The following RANBP2 variants were observed in gnomAD, a reference collection of about 807,000 sequenced individuals.
The protein encoded by RANBP2 is RAN binding protein 2.
Under a neutral mutation model 303.6 loss-of-function variants are expected in RANBP2, and 57 were observed. The observed-to-expected ratio is 0.19, with a 90% confidence interval of 0.15 to 0.23. RANBP2 has a LOEUF of 0.23. RANBP2 is among the 10% of genes least tolerant of loss of function. The pLI is 1.00. For synonymous variants in RANBP2, 1,167 were observed against 1,301.5 expected (o/e 0.90, Z 2.23); for missense variants, 3,138 against 3,780.8 (o/e 0.83, Z 4.46).
At chr2:108,760,913 C>T (rs1414664213) in intron 18 of RANBP2, among the ~76,000 whole-genome samples, 2 of 152,120 alleles carry the variant, frequency 1.3e-5, no homozygotes, top group African/African-American at 2.4e-5. Flanking sequence ...TTGCCCAATG[C>T]AACCTCATCA....
chr2:109,617,856 T>C, the RANBP2 span: 3 of 159,150 alleles, frequency 1.9e-5, no homozygotes. Context: ...CTGTCTCTAC[T>C]AAAAATACAA....
chr2:109,279,873 G>A, the RANBP2 span, among the ~76,000 whole-genome samples: 1 of 152,028 alleles, frequency 6.6e-6, no homozygotes, highest in Non-Finnish European at 1.5e-5. Context: ...TAGGGTATGG[G>A]CCCCTGGGGG....
chr2:109,402,560 G>A, the RANBP2 span, among the ~76,000 whole-genome samples: 1 of 152,252 alleles, frequency 6.6e-6, no homozygotes. Context: ...GCATGGGGCA[G>A]TGCTGGCCCC....
the RANBP2 span, among the ~76,000 whole-genome samples, chr2:109,190,981 A>G: frequency 6.6e-6 from 1 of 151,710 alleles, no homozygotes; most frequent in African/African-American, 2.4e-5. Context: ...TAGTTGCGTC[A>G]GGCGAGGAGT....
the RANBP2 span, among the ~76,000 whole-genome samples, chr2:109,470,339 A>C: frequency 6.6e-6 from 1 of 152,166 alleles, no homozygotes; most frequent in Non-Finnish European, 1.5e-5. Flanking sequence ...CTCCTGCTCC[A>C]TCTGGAAAAG....
chr2:109,492,655 G>C, the RANBP2 span, among the ~76,000 whole-genome samples: 1 of 152,142 alleles, frequency 6.6e-6, no homozygotes, highest in East Asian at 1.9e-4. Context: ...TTTGTAAAAG[G>C]CTAGGTAACT....
At chr2:109,125,650 C>T in the RANBP2 span, among the ~76,000 whole-genome samples, 2 of 152,244 alleles carry the variant, frequency 1.3e-5, no homozygotes, top group East Asian at 1.9e-4. Flanking sequence ...AGCCATAGTA[C>T]ATAGATGACT....
At chr2:109,084,799 A>G in the RANBP2 span, among the ~76,000 whole-genome samples, 1 of 152,180 alleles carries the variant, frequency 6.6e-6, no homozygotes, top group East Asian at 1.9e-4. Context: ...GACGCCACTC[A>G]TATTTTGTTC....
the RANBP2 span, among the ~76,000 whole-genome samples, chr2:109,200,056 A>G: frequency 6.6e-6 from 1 of 152,046 alleles, no homozygotes; most frequent in South Asian, 2.1e-4. Context: ...GAGAAATGTC[A>G]CCAGTGGCCA....
At chr2:109,253,560 T>G in the RANBP2 span, among the ~76,000 whole-genome samples, 4 of 152,174 alleles carry the variant, frequency 2.6e-5, no homozygotes, top group South Asian at 2.1e-4. Flanking sequence ...TCATGCTGGA[T>G]CTAAGATGTT....
the RANBP2 span, among the ~76,000 whole-genome samples, chr2:109,339,554 C>G: frequency 6.6e-6 from 1 of 152,294 alleles, no homozygotes; most frequent in Non-Finnish European, 1.5e-5. Context: ...TGGGGCCGAC[C>G]AGGCATCAGC....
chr2:108,930,883 T>C, the RANBP2 span: 1 of 1,486,752 alleles, frequency 6.7e-7, no homozygotes, highest in South Asian at 1.1e-5. Context: ...CATTCCCATT[T>C]TACAGCTGAA....
chr2:109,485,292 A>G, the RANBP2 span, among the ~76,000 whole-genome samples: 7 of 152,254 alleles, frequency 4.6e-5, no homozygotes, highest in African/African-American at 1.4e-4. Flanking sequence ...AACTGAATAA[A>G]TGTGCACTTA....
chr2:109,573,798 A>T, the RANBP2 span, among the ~76,000 whole-genome samples: 2 of 152,204 alleles, frequency 1.3e-5, no homozygotes, highest in East Asian at 3.8e-4. Flanking sequence ...TTAGTTTATG[A>T]ATTTTTCTAT....
chr2:109,379,484 C>T, the RANBP2 span, among the ~76,000 whole-genome samples: 64 of 152,270 alleles, frequency 4.2e-4, no homozygotes, highest in African/African-American at 1.4e-3. Context: ...CAGATGTGGC[C>T]GCTGCTTCTA....
chr2:108,733,658 T>C (rs1248516589), intron 4 of RANBP2, among the ~76,000 whole-genome samples: 1 of 152,188 alleles, frequency 6.6e-6, no homozygotes, highest in East Asian at 1.9e-4. Context: ...CTCTCTTAGG[T>C]GTTATGCCTC....
At chr2:109,158,039 A>T in the RANBP2 span, among the ~76,000 whole-genome samples, 19 of 152,150 alleles carry the variant, frequency 1.2e-4, no homozygotes, top group Non-Finnish European at 2.4e-4. Context: ...CTTCAATTGC[A>T]CTGTGTCATC....
At chr2:109,436,086 C>T in the RANBP2 span, among the ~76,000 whole-genome samples, 1 of 152,178 alleles carries the variant, frequency 6.6e-6, no homozygotes, top group Non-Finnish European at 1.5e-5. Flanking sequence ...ACGGGGCAGG[C>T]AGCCTGTTCT....
At chr2:109,571,071 A>G in the RANBP2 span, among the ~76,000 whole-genome samples, 1 of 151,964 alleles carries the variant, frequency 6.6e-6, no homozygotes, top group Non-Finnish European at 1.5e-5. Context: ...TGGTTGTTTA[A>G]AAGTGTGTAG....
Sources: allele counts gnomAD v4.1 joint callset (sites outside exome capture counted in the v4.1 genomes callset), GRCh38; gene constraint gnomAD v4.1.1; transcripts MANE v1.5; gene names NCBI Gene and HGNC (gene_info 2026-07-23, HGNC 2026-07-21).